Variants in LRRC37A2 observed in about 807,000 individuals in gnomAD.
LRRC37A2 encodes the protein leucine rich repeat containing 37 member A2.
In LRRC37A2, 9 loss-of-function variants were observed where a neutral mutation model predicts 68.8. The ratio of observed to expected loss-of-function variants is 0.13; its 90% CI spans 0.08 to 0.23. LRRC37A2 has a LOEUF of 0.23. Ranked by LOEUF, LRRC37A2 falls within the 10% of genes least tolerant of loss-of-function variation. The pLI is 1.00. For synonymous variants in LRRC37A2, 63 were observed against 367.6 expected (o/e 0.17, Z 9.48); for missense variants, 168 against 950.4 (o/e 0.18, Z 10.82).
the LRRC37A2 span, among the ~76,000 whole-genome samples, chr17:46,995,557 C>CTT: frequency 6.7e-4 from 102 of 152,264 alleles, no homozygotes; most frequent in African/African-American, 2.4e-3. Flanking sequence ...TCCCATACTC[C>CTT]TTCCTGATGC....
At chr17:46,848,278 T>C in the LRRC37A2 span, among the ~76,000 whole-genome samples, 13 of 152,172 alleles carry the variant, frequency 8.5e-5, no homozygotes, top group Non-Finnish European at 1.9e-4. Context: ...AGTGCTTCCG[T>C]CACCACACAT....
the LRRC37A2 span, among the ~76,000 whole-genome samples, chr17:46,809,086 G>T: frequency 1.3e-5 from 2 of 152,168 alleles, no homozygotes; most frequent in Non-Finnish European, 2.9e-5. Context: ...GCAAAGAGGT[G>T]AGTATTCCAG....
chr17:46,788,356 T>G, the LRRC37A2 span, among the ~76,000 whole-genome samples: 1 of 152,208 alleles, frequency 6.6e-6, no homozygotes, highest in African/African-American at 2.4e-5. Flanking sequence ...ATGAGAACCT[T>G]ACAGAGTTAG....
the LRRC37A2 span, chr17:46,876,986 A>G: frequency 7.8e-7 from 1 of 1,280,348 alleles, no homozygotes; most frequent in Admixed American, 3.7e-5. Flanking sequence ...AGTGAGAAAG[A>G]CATGGAGGGA....
the LRRC37A2 span, among the ~76,000 whole-genome samples, chr17:46,822,264 T>C: frequency 6.6e-6 from 1 of 152,148 alleles, no homozygotes; most frequent in African/African-American, 2.4e-5. Context: ...ACTGGAAGGC[T>C]GGACAGCAGA....
the LRRC37A2 span, chr17:47,018,740 G>A: frequency 6.6e-7 from 1 of 1,520,954 alleles, no homozygotes; most frequent in Non-Finnish European, 9.1e-7. Context: ...TAACCCATCA[G>A]GAGGCCCCAG....
the LRRC37A2 span, among the ~76,000 whole-genome samples, chr17:46,799,847 G>A: frequency 6.6e-6 from 1 of 152,108 alleles, no homozygotes; most frequent in Admixed American, 6.6e-5. Flanking sequence ...AGATTTTTAA[G>A]CAACCACCCA....
At chr17:46,899,463 A>G in the LRRC37A2 span, among the ~76,000 whole-genome samples, 1 of 152,196 alleles carries the variant, frequency 6.6e-6, no homozygotes, top group Non-Finnish European at 1.5e-5. Context: ...TGACACACAG[A>G]CAACGTAAAT....
chr17:46,897,740 C>T, the LRRC37A2 span, among the ~76,000 whole-genome samples: 1 of 152,058 alleles, frequency 6.6e-6, no homozygotes, highest in Non-Finnish European at 1.5e-5. Flanking sequence ...TCCTCCTACC[C>T]CAGCTTCCCC....
the LRRC37A2 span, among the ~76,000 whole-genome samples, chr17:46,825,545 T>G: frequency 6.6e-6 from 1 of 152,186 alleles, no homozygotes; most frequent in Non-Finnish European, 1.5e-5. Context: ...ACACAGTAGG[T>G]GCTCTGTGAA....
chr17:46,956,922 A>G, the LRRC37A2 span, among the ~76,000 whole-genome samples: 3 of 152,214 alleles, frequency 2.0e-5, no homozygotes, highest in African/African-American at 7.2e-5. Flanking sequence ...ATGAATCCCC[A>G]AAAGAGTCAG....
the LRRC37A2 span, chr17:47,033,530 T>C: frequency 1.2e-5 from 7 of 602,432 alleles, no homozygotes; most frequent in East Asian, 1.4e-4. Flanking sequence ...GATTCTAGCA[T>C]AGATCATTTT....
chr17:46,729,027 T>A, the LRRC37A2 span: 2 of 792,462 alleles, frequency 2.5e-6, no homozygotes, highest in Non-Finnish European at 4.0e-6. Context: ...CAGGTTATCA[T>A]AAACATAAAA....
the LRRC37A2 span, among the ~76,000 whole-genome samples, chr17:46,822,923 A>T: frequency 2.6e-5 from 4 of 151,408 alleles, no homozygotes; most frequent in Admixed American, 6.6e-5. Flanking sequence ...TGGGCACCTG[A>T]GAGGTTCTCC....
chr17:46,708,860 C>G, the LRRC37A2 span, among the ~76,000 whole-genome samples: 4 of 108,766 alleles, frequency 3.7e-5, no homozygotes, highest in Admixed American at 2.4e-4. Context: ...GAGTCTTGCT[C>G]TGTTGCCAGG....
At chr17:46,733,935 C>T in the LRRC37A2 span, among the ~76,000 whole-genome samples, 1 of 152,286 alleles carries the variant, frequency 6.6e-6, no homozygotes, top group East Asian at 1.9e-4. Flanking sequence ...AGAAATACAG[C>T]TTAAAGCTTG....
chr17:46,853,455 T>C, the LRRC37A2 span, among the ~76,000 whole-genome samples: 2 of 135,848 alleles, frequency 1.5e-5, no homozygotes, highest in Non-Finnish European at 3.1e-5. Context: ...CACTGCAACC[T>C]CCATCTCATG....
At chr17:46,852,320 A>G in the LRRC37A2 span, among the ~76,000 whole-genome samples, 1 of 151,956 alleles carries the variant, frequency 6.6e-6, no homozygotes, top group African/African-American at 2.4e-5. Context: ...CGCTGGGGAA[A>G]TGCGACCACA....
chr17:46,710,575 C>T, the LRRC37A2 span, among the ~76,000 whole-genome samples: 18 of 152,298 alleles, frequency 1.2e-4, no homozygotes, highest in Admixed American at 6.5e-4. Flanking sequence ...GTTAAGGTAG[C>T]ATATTTGTCT....
Sources: allele counts gnomAD v4.1 joint callset (sites outside exome capture counted in the v4.1 genomes callset), GRCh38; gene constraint gnomAD v4.1.1; transcripts MANE v1.5; gene names NCBI Gene and HGNC (gene_info 2026-07-23, HGNC 2026-07-21).